The following ANO2 variants were observed in gnomAD, a reference collection of about 807,000 sequenced individuals.
ANO2 encodes anoctamin-2.
In ANO2, 101 loss-of-function variants were observed where a neutral mutation model predicts 124.2. The ratio of observed to expected loss-of-function variants is 0.81; its 90% CI spans 0.69 to 0.96. The LOEUF (loss-of-function observed/expected upper bound fraction) is 0.96, where lower values mean the gene tolerates loss of function less well. ANO2 is among the 40% of genes least tolerant of loss of function. The pLI, the probability that ANO2 is intolerant of heterozygous loss-of-function variation, is 0.00. For missense variants in ANO2, 1,293 were observed against 1,274.5 expected, an observed-to-expected ratio of 1.01 and a Z score of -0.22; for synonymous variants, 486 against 482.5, an observed-to-expected ratio of 1.01 and a Z score of -0.09.
At chr12:5,613,657 C>T (rs76444936) in intron 17 of ANO2, among the ~76,000 whole-genome samples, 4,890 of 152,188 alleles carry the variant, frequency 0.032, 271 homozygotes, top group African/African-American at 0.11. Context: ...GCTGTGTAAG[C>T]CTTTCCTTTG....
intron 11 of ANO2, among the ~76,000 whole-genome samples, chr12:5,748,870 C>CAAAAAAA (rs60191649): frequency 2.0e-5 from 2 of 101,650 alleles, no homozygotes; most frequent in Non-Finnish European, 1.9e-5. Flanking sequence ...CTTCACCCTC[C>CAAAAAAA]AAAAAAAAAA....
intron 3 of ANO2, among the ~76,000 whole-genome samples, chr12:5,859,779 C>T (rs1955212289): frequency 6.6e-6 from 1 of 152,170 alleles, no homozygotes. Context: ...AGCGATCCAC[C>T]TGCCTTGGCC....
chr12:5,656,990 G>A (rs1260287755), intron 14 of ANO2, among the ~76,000 whole-genome samples: 1 of 152,186 alleles, frequency 6.6e-6, no homozygotes, highest in African/African-American at 2.4e-5. Flanking sequence ...GGAGGTGACT[G>A]AAGCCAAATG....
Position 5,875,982 on chromosome 12 carries a change from G to A in ANO2, c.535-21841C>T, listed in dbSNP as rs139678327. ...CTTGAGGTATTTTACCGGGTAGAGA[G>A]AAGGCCAGGGCAAAGATGTGAGAGA... On this transcript the variant is annotated intron_variant, in intron 3 of 24. Transcript: ENST00000682330. Among the ~76,000 whole-genome samples the A allele has an allele frequency of 2.8e-3, 428 of 152,264 alleles. 2 individuals carry two copies. The highest frequency in any genetic ancestry group is 6.9e-3 in the South Asian group (33 of 4,814).
chr12:5,586,744 C>T (rs1046010667), intron 20 of ANO2, among the ~76,000 whole-genome samples: 1 of 152,126 alleles, frequency 6.6e-6, no homozygotes, highest in African/African-American at 2.4e-5. Flanking sequence ...TACCAGAGCC[C>T]GTCATTTTCA....
intron 20 of ANO2, 74 bp from the exon 21 acceptor site, chr12:5,578,592 G>A: frequency 2.0e-6 from 3 of 1,480,032 alleles, no homozygotes; most frequent in Non-Finnish European, 2.7e-6. Flanking sequence ...TGCAGCTACA[G>A]CCCCTTGTCC....
chr12:5,628,961 C>T (rs925842759), intron 16 of ANO2, among the ~76,000 whole-genome samples: 1 of 152,190 alleles, frequency 6.6e-6, no homozygotes, highest in Admixed American at 6.5e-5. Flanking sequence ...CGGCCTTTCC[C>T]CATCCCTCCT....
intron 3 of ANO2, among the ~76,000 whole-genome samples, chr12:5,866,146 C>A (rs1460672653): frequency 6.6e-6 from 1 of 152,160 alleles, no homozygotes; most frequent in Non-Finnish European, 1.5e-5. Flanking sequence ...GTAATGTGGT[C>A]AAAATCAATA....
intron 23 of ANO2, among the ~76,000 whole-genome samples, chr12:5,575,153 CCCT>C (rs1391004602): frequency 9.9e-5 from 15 of 152,184 alleles, no homozygotes; most frequent in African/African-American, 3.6e-4. Flanking sequence ...CAAGTAATCT[CCCT>C]CTCCTCTGAG....
At chr12:5,921,472 A>C (rs1221411364) in intron 2 of ANO2, 106 bp from the exon 3 acceptor site, 1 of 1,169,222 alleles carries the variant, frequency 8.6e-7, no homozygotes, top group East Asian at 2.5e-5. Flanking sequence ...CTCAGAAGCA[A>C]GCCTCTCAGG....
chr12:5,933,248 C>A (rs1421790191), intron 1 of ANO2, among the ~76,000 whole-genome samples: 1 of 152,208 alleles, frequency 6.6e-6, no homozygotes, highest in Non-Finnish European at 1.5e-5. Flanking sequence ...CACACATGCA[C>A]AGAAACTCCA....
Position 5,612,909 on chromosome 12 carries a change from T to C in ANO2, c.1978A>G (p.Met660Val). ...CCAGTGGCTGTACTTGCCTCTTCCA[T>C]GCGGTAACCATCGAATACATAGACG... The part of the protein sequence containing the change: ...SYVYVFDGYR[M>V]EECAPGGCLM... Residue 660 changes from methionine (M) to valine (V), a missense_variant, in exon 18 of 25, where the codon ATG (methionine) becomes GTG (valine). Coordinates refer to ENST00000682330, the MANE Select transcript of ANO2 (RefSeq NM_001364791.2). 1.2e-6 allele frequency: 2 copies of C among 1,613,884 alleles called. No individual in the cohort carries two copies. The highest frequency in any genetic ancestry group is 2.7e-5 in the African/African-American group (2 of 75,018).
intron 19 of ANO2, among the ~76,000 whole-genome samples, chr12:5,608,314 T>A (rs919566183): frequency 4.7e-5 from 7 of 150,148 alleles, no homozygotes; most frequent in Non-Finnish European, 7.4e-5. Context: ...AAACTCAAAA[T>A]ACAACCTTTA....
intron 14 of ANO2, among the ~76,000 whole-genome samples, chr12:5,728,310 G>A (rs965080024): frequency 1.3e-5 from 2 of 152,036 alleles, no homozygotes; most frequent in African/African-American, 4.8e-5. Flanking sequence ...GAAAAGTTAT[G>A]GGATACCAGA....
At chr12:5,572,781 T>C (rs9943830) in intron 23 of ANO2, among the ~76,000 whole-genome samples, 119,548 of 152,136 alleles carry the variant, frequency 0.79, 47,324 homozygotes, top group Admixed American at 0.86. Flanking sequence ...AATAAATTTT[T>C]TTGGCAGAAA....
intron 20 of ANO2, among the ~76,000 whole-genome samples, chr12:5,595,087 G>A (rs919135221): frequency 6.6e-6 from 1 of 152,202 alleles, no homozygotes; most frequent in Admixed American, 6.5e-5. Context: ...GTCTTGTAAA[G>A]TTATTATTAT....
chr12:5,771,130 T>C (rs1952065765), intron 10 of ANO2, among the ~76,000 whole-genome samples: 2 of 152,266 alleles, frequency 1.3e-5, no homozygotes, highest in Admixed American at 6.5e-5. Context: ...TGTTCACTGT[T>C]GTATTCTTAG....
At chr12:5,873,417 T>C (rs540028322) in intron 3 of ANO2, among the ~76,000 whole-genome samples, 5 of 152,190 alleles carry the variant, frequency 3.3e-5, no homozygotes, top group South Asian at 2.1e-4. Flanking sequence ...TGTGGGCAAA[T>C]AGCATCCAAC....
At chr12:5,709,094 G>A (rs1949717690) in intron 14 of ANO2, among the ~76,000 whole-genome samples, 2 of 152,276 alleles carry the variant, frequency 1.3e-5, no homozygotes, top group Non-Finnish European at 2.9e-5. Context: ...AACATCACCT[G>A]AGACCATTTG....
Sources: gnomAD v4.1 joint callset for allele counts (sites outside exome capture counted in the v4.1 genomes callset) on GRCh38, gnomAD v4.1.1 for gene constraint, MANE v1.5 for transcripts, NCBI Gene and HGNC (gene_info 2026-07-23, HGNC 2026-07-21) for gene names.